Variants in ATRX observed in about 807,000 individuals in gnomAD.
ATRX encodes the protein chromatin remodeler ATRX.
Under a neutral mutation model 172.6 loss-of-function variants are expected in ATRX, and 12 were observed. That is an observed-to-expected ratio of 0.07 (90% CI 0.04 to 0.11). The LOEUF is 0.11. Among genes scored for constraint, ATRX ranks in the 10% least tolerant of loss-of-function variants. The pLI is 1.00. For synonymous variants in ATRX, 674 were observed against 594.7 expected (o/e 1.13, Z -1.94); for missense variants, 1,368 against 1,767.4 (o/e 0.77, Z 4.05).
intron 34 of ATRX, among the ~76,000 whole-genome samples, chrX:77,515,463 T>C (rs1403865585): frequency 9.0e-6 from 1 of 110,775 alleles, no homozygotes; most frequent in African/African-American, 3.3e-5. Flanking sequence ...GTATTCTAAA[T>C]GTGCCTTTCT....
intron 25 of ATRX, among the ~76,000 whole-genome samples, chrX:77,597,444 A>AAAACAAAC (rs782433961): frequency 9.0e-6 from 1 of 111,084 alleles, no homozygotes; most frequent in Non-Finnish European, 1.9e-5. Context: ...GCAAAAACAA[A>AAAACAAAC]AAACAAACAA....
chrX:77,619,145 T>C (rs1035342670), intron 20 of ATRX, among the ~76,000 whole-genome samples, 164 bp from the exon 21 acceptor site: 14 of 111,944 alleles, frequency 1.3e-4, no homozygotes, highest in African/African-American at 4.5e-4. Flanking sequence ...AAGTCTGATC[T>C]ACAAGTGAAT....
At chrX:77,665,528 C>T (rs1232210000) in intron 10 of ATRX, among the ~76,000 whole-genome samples, 1 of 111,391 alleles carries the variant, frequency 9.0e-6, no homozygotes, top group African/African-American at 3.3e-5. Context: ...TCCTCAAAGA[C>T]CAATTTGCTA....
intron 1 of ATRX, among the ~76,000 whole-genome samples, chrX:77,724,276 CAAAT>C (rs1418887394): frequency 1.9e-5 from 2 of 103,839 alleles, no homozygotes; most frequent in Non-Finnish European, 3.9e-5. Flanking sequence ...AACTCCATCT[CAAAT>C]AAATAAATAA....
At position 77,600,693 on chromosome X, in the gene ATRX, G is replaced by A. The variant is rs569948196; in HGVS notation, c.5567-129C>T. 5 of 685,778 alleles carry A rather than the reference G, an allele frequency of 7.3e-6. No individual in the cohort carries two copies. The South Asian group carries it at 1.1e-4, about 15-fold the overall frequency. The allele number at this position is 685,778 out of a possible 1,213,427, so 56.5% of individuals were successfully genotyped here. A position where few individuals can be genotyped will look rare whatever the true frequency, so the allele number is the denominator to read the frequency against. On this transcript the variant is annotated intron_variant, in intron 22 of 34. Coordinates refer to ENST00000373344, the MANE Select transcript of ATRX (RefSeq NM_000489.6). ...TGTAGAGAAGCTTATAAATTCTCTT[G>A]GAATATCGTTTTGAAACACATAAAA...
At chrX:77,653,813 G>A (rs1557118547) in intron 14 of ATRX, among the ~76,000 whole-genome samples, 1 of 111,267 alleles carries the variant, frequency 9.0e-6, no homozygotes, top group African/African-American at 3.3e-5. Flanking sequence ...ATTCAGGATA[G>A]TATTTTGTCT....
At chrX:77,598,941 T>C (rs1254828034) in intron 25 of ATRX, among the ~76,000 whole-genome samples, 3 of 112,360 alleles carry the variant, frequency 2.7e-5, no homozygotes, top group Non-Finnish European at 5.6e-5. Flanking sequence ...TTTTACTGTA[T>C]ATTACTGACT....
At chrX:77,778,302 G>A (rs1557203548) in intron 1 of ATRX, among the ~76,000 whole-genome samples, 3 of 109,211 alleles carry the variant, frequency 2.7e-5, no homozygotes, top group Non-Finnish European at 3.8e-5. Context: ...CAGCTACTCA[G>A]GAGGCTCAGG....
At chrX:77,762,982 A>C (rs916389504) in intron 1 of ATRX, among the ~76,000 whole-genome samples, 1 of 111,325 alleles carries the variant, frequency 9.0e-6, no homozygotes, top group Non-Finnish European at 1.9e-5. Context: ...TTCAAAAAAC[A>C]CTTCAATACA....
At chrX:77,685,335 C>T (rs1557143302) in intron 7 of ATRX, among the ~76,000 whole-genome samples, 2 of 111,861 alleles carry the variant, frequency 1.8e-5, no homozygotes, top group African/African-American at 3.2e-5. Context: ...TCCAACAATT[C>T]TATAGGAAAA....
chrX:77,671,175 T>A (rs1218496752), intron 10 of ATRX, among the ~76,000 whole-genome samples: 7 of 80,015 alleles, frequency 8.7e-5, no homozygotes, highest in South Asian at 6.4e-4. Flanking sequence ...AAAATATATA[T>A]ATATATATAT....
At chrX:77,654,827 C>A (rs1557119073) in intron 13 of ATRX, among the ~76,000 whole-genome samples, 2 of 111,956 alleles carry the variant, frequency 1.8e-5, no homozygotes, top group Non-Finnish European at 3.8e-5. Flanking sequence ...AAAGCAAGGA[C>A]TTGAAGAGAT....
At chrX:77,614,698 G>A (rs1557095768) in intron 22 of ATRX, among the ~76,000 whole-genome samples, 1 of 111,697 alleles carries the variant, frequency 9.0e-6, no homozygotes, top group Non-Finnish European at 1.9e-5. Context: ...ATCACCTTGA[G>A]TATTTATCAT....
chrX:77,667,726 A>G (rs2070336463), intron 10 of ATRX, among the ~76,000 whole-genome samples: 1 of 112,125 alleles, frequency 8.9e-6, no homozygotes, highest in Non-Finnish European at 1.9e-5. Context: ...TACATGAGAT[A>G]AAATACAATT....
At chrX:77,627,041 C>T (rs1185901761) in intron 19 of ATRX, among the ~76,000 whole-genome samples, 6 of 110,616 alleles carry the variant, frequency 5.4e-5, no homozygotes, top group African/African-American at 9.9e-5. Context: ...CTGGCTAACA[C>T]GGTGAAACCC....
At chrX:77,608,368 C>CAA (rs782356472) in intron 22 of ATRX, among the ~76,000 whole-genome samples, 12 of 37,829 alleles carry the variant, frequency 3.2e-4, no homozygotes, top group African/African-American at 3.2e-4. Flanking sequence ...GACCCCGTCT[C>CAA]AAAAAAAAAA....
chrX:77,657,861 A>G (rs1219190862), intron 12 of ATRX, among the ~76,000 whole-genome samples: 1 of 111,810 alleles, frequency 8.9e-6, no homozygotes, highest in Non-Finnish European at 1.9e-5. Flanking sequence ...CAGTGGAAAA[A>G]TACCAGCAGA....
rs188379182 is a variant in ATRX at position 77,724,472 on chromosome X, C to T, written c.21-7229G>A. On this transcript the variant is annotated intron_variant, in intron 1 of 34. Coordinates refer to ENST00000373344, the MANE Select transcript of ATRX (RefSeq NM_000489.6). The stretch of plus-strand genomic sequence containing the variant: ...GTCTTCAAATTCTGGCCTCAAACAA[C>T]CCTACTGCCTCAGCCTCCCAAACTG... Among the ~76,000 whole-genome samples, 4 of 109,335 alleles carry T rather than the reference C, an allele frequency of 3.7e-5. No individual in the cohort carries two copies. In the Admixed American group the frequency reaches 3.9e-4, roughly 11 times the overall value. 94.9% of individuals were successfully genotyped at this position (109,335 alleles called of 115,157 possible). A position where few individuals can be genotyped will look rare whatever the true frequency, so the allele number is the denominator to read the frequency against.
chrX:77,722,334 A>G (rs782589365), intron 1 of ATRX, among the ~76,000 whole-genome samples: 21 of 110,162 alleles, frequency 1.9e-4, no homozygotes, highest in Non-Finnish European at 3.6e-4. Flanking sequence ...AATGGGATCT[A>G]ACTAAACTAA....
Sources: allele counts gnomAD v4.1 joint callset (sites outside exome capture counted in the v4.1 genomes callset), GRCh38; gene constraint gnomAD v4.1.1; transcripts MANE v1.5; gene names NCBI Gene and HGNC (gene_info 2026-07-23, HGNC 2026-07-21).